HS3ST2: variants seen among roughly 807,000 people sequenced by gnomAD.
HS3ST2 encodes the protein heparan sulfate-glucosamine 3-sulfotransferase 2, also known as heparan sulfate glucosamine 3-O-sulfotransferase 2.
In HS3ST2, 17 loss-of-function variants were observed where a neutral mutation model predicts 26.3. The observed-to-expected ratio is 0.65, with a 90% CI of 0.44 to 0.97. HS3ST2 has a LOEUF of 0.97. HS3ST2 is among the 50% of genes least tolerant of loss of function. HS3ST2 has a pLI of 0.00. For synonymous variants in HS3ST2, 237 were observed against 219.2 expected (o/e 1.08, Z -0.72); for missense variants, 402 against 501.2 (o/e 0.80, Z 1.89).
At chr16:22,884,676 ATT>A (rs1491286532) in intron 1 of HS3ST2, among the ~76,000 whole-genome samples, 1 of 137,416 alleles carries the variant, frequency 7.3e-6, no homozygotes, top group Non-Finnish European at 1.6e-5. Flanking sequence ...ATATATATAT[ATT>A]ATATATATAT....
Position 22,915,323 on chromosome 16 carries a change from C to A in HS3ST2, c.865C>A (p.Gln289Lys). The A allele has an allele frequency of 1.2e-6, 2 of 1,613,988 alleles. No individual in the cohort carries two copies. The highest frequency in any genetic ancestry group is 1.7e-6 in the Non-Finnish European group (2 of 1,180,008). ...CCCGGCCGGCGAGATGGGGCGAGTC[C>A]AGGACTTCCTGGGCATTAAGAGATT... ...TDPAGEMGRVQDFLGIKRFIT... is the reference protein window; with the variant it reads ...TDPAGEMGRVKDFLGIKRFIT... Residue 289 changes from glutamine (Q) to lysine (K), a missense_variant, in exon 2 of 2, where the codon CAG becomes AAG. By Grantham distance (53) the Gln-to-Lys change is moderately conservative. Transcript: ENST00000261374.
chr16:22,822,163 G>T (rs1307793701), intron 1 of HS3ST2, among the ~76,000 whole-genome samples: 1 of 152,052 alleles, frequency 6.6e-6, no homozygotes, highest in African/African-American at 2.4e-5. Flanking sequence ...CATGACATTT[G>T]CCAAAGCCCA....
chr16:22,891,744 C>T (rs1902132301), intron 1 of HS3ST2, among the ~76,000 whole-genome samples: 1 of 152,130 alleles, frequency 6.6e-6, no homozygotes, highest in Admixed American at 6.6e-5. Flanking sequence ...CTTCAGTTCC[C>T]TCCTCAGAGA....
In HS3ST2 at chr16:22,820,130, G is replaced by A. The variant is rs186873698; in HGVS notation, c.485+5035G>A. Among the ~76,000 whole-genome samples, 6 of 152,218 alleles carry A rather than the reference G, an allele frequency of 3.9e-5. No homozygotes were observed. The East Asian group carries it at 5.8e-4, about 15-fold the overall frequency. ...ATTCCCTGTCTTGGTCCAGGCGAAC[G>A]TCACACAGTATGATTAAATGAAACC... On this transcript the variant is annotated intron_variant, in intron 1 of 1. Coordinates refer to ENST00000261374, the MANE Select transcript of HS3ST2 (RefSeq NM_006043.2).
In HS3ST2 at chr16:22,814,724, G is replaced by T. The variant is rs1183248314; in HGVS notation, c.114G>T (p.Leu38=). The change falls in exon 1 of 2, where the codon CTG becomes CTT. Residue 38 remains leucine (L), a synonymous_variant. Transcript: ENST00000261374. The part of the protein sequence containing the change: ...LSCTYLCYSF[L]CCCDDLGRSR... ...GCACTTACCTGTGTTACAGCTTCCT[G>T]TGCTGCTGCGACGACCTGGGTCGGA... 6.2e-7 allele frequency: 1 copy of T among 1,609,448 alleles called. No homozygotes were observed. The highest frequency in any genetic ancestry group is 1.7e-5 in the Admixed American group (1 of 59,872).
At chr16:22,828,217 C>A (rs1308798135) in intron 1 of HS3ST2, among the ~76,000 whole-genome samples, 3 of 152,208 alleles carry the variant, frequency 2.0e-5, no homozygotes, top group Non-Finnish European at 2.9e-5. Flanking sequence ...GCAGATTCCT[C>A]ATTTCTAGAG....
At chr16:22,817,799 C>T (rs920654145) in intron 1 of HS3ST2, among the ~76,000 whole-genome samples, 1 of 151,812 alleles carries the variant, frequency 6.6e-6, no homozygotes, top group African/African-American at 2.4e-5. Flanking sequence ...ATGATCTGCC[C>T]ACATCAAAGC....
intron 1 of HS3ST2, among the ~76,000 whole-genome samples, chr16:22,904,669 T>C (rs1306264383): frequency 2.0e-5 from 3 of 152,010 alleles, no homozygotes; most frequent in Non-Finnish European, 4.4e-5. Context: ...AAAAATACAG[T>C]TTTTGGAGGA....
chr16:22,903,196 C>T (rs1902303355), intron 1 of HS3ST2, among the ~76,000 whole-genome samples: 2 of 152,174 alleles, frequency 1.3e-5, no homozygotes. Flanking sequence ...CTGGATTCTG[C>T]AAACTGGCTG....
At position 22,814,782 on chromosome 16, in the gene HS3ST2, G is replaced by A. The variant is rs776465899; in HGVS notation, c.172G>A (p.Gly58Ser). 3.8e-6 allele frequency: 6 copies of A among 1,599,986 alleles called. No homozygotes were observed. Among genetic ancestry groups the A allele is most frequent in the African/African-American group, 2.7e-5 (2 of 74,696 alleles). The part of the protein sequence containing the change: ...RLLGAPRCLR[G>S]PSAGGQKLLQ... ...CCTCGGCGCGCCTCGCTGCCTCCGC[G>A]GCCCCAGCGCGGGCGGCCAGAAACT... The change falls in exon 1 of 2, where the codon GGC becomes AGC. Residue 58 changes from glycine to serine, a missense_variant. Gly to Ser is a moderately conservative substitution (Grantham distance 56). Around this residue, in one of 2 missense-constraint regions of HS3ST2, gnomAD observed 165 missense variants for 154.6 expected, o/e 1.07. Transcript: ENST00000261374.
At chr16:22,881,427 C>G (rs557352567) in intron 1 of HS3ST2, among the ~76,000 whole-genome samples, 1 of 152,178 alleles carries the variant, frequency 6.6e-6, no homozygotes, top group Non-Finnish European at 1.5e-5. Flanking sequence ...GCTTCTTGCT[C>G]GGTCTCTACC....
At position 22,904,941 on chromosome 16, in the gene HS3ST2, A is replaced by G. The variant is rs184879314; in HGVS notation, c.486-10003A>G. Among the ~76,000 whole-genome samples, 38 of 152,340 alleles carry G rather than the reference A, an allele frequency of 2.5e-4. No homozygotes were observed. The East Asian group carries it at 7.3e-3, about 29-fold the overall frequency. The stretch of plus-strand genomic sequence containing the variant: ...CTCAACTAGGCGAGGATAAACGGCC[A>G]CAGGTGCTGTGCCTGCCACATGGCT... On this transcript the variant is annotated intron_variant, in intron 1 of 1. Coordinates refer to ENST00000261374, the MANE Select transcript of HS3ST2 (RefSeq NM_006043.2).
At chr16:22,829,411 G>A (rs1901137211) in intron 1 of HS3ST2, among the ~76,000 whole-genome samples, 1 of 152,146 alleles carries the variant, frequency 6.6e-6, no homozygotes, top group Non-Finnish European at 1.5e-5. Flanking sequence ...CATTTAGAGA[G>A]GACAATCAGT....
intron 1 of HS3ST2, among the ~76,000 whole-genome samples, chr16:22,888,373 C>CTTTTTTTTTTTTTTTTTTTTTTTTTTTTT (rs1165585404): frequency 1.6e-5 from 1 of 61,306 alleles, no homozygotes; most frequent in African/African-American, 6.4e-5. Context: ...TCTGGCTTTT[C>CTTTTTTTTTTTTTTTTTTTTTTTTTTTTT]TTTTTTTTTT....
chr16:22,905,587 T>C (rs1224256020), intron 1 of HS3ST2, among the ~76,000 whole-genome samples: 2 of 152,208 alleles, frequency 1.3e-5, no homozygotes, highest in African/African-American at 4.8e-5. Context: ...AAGCCTTGTC[T>C]TTATTATTTT....
chr16:22,869,694 C>T (rs1011684017), intron 1 of HS3ST2, among the ~76,000 whole-genome samples: 8 of 152,154 alleles, frequency 5.3e-5, no homozygotes, highest in African/African-American at 1.7e-4. Context: ...AAAGACCCGC[C>T]GCCATAATTC....
chr16:22,902,714 TA>T lies in HS3ST2; in HGVS notation c.486-12223del, dbSNP rs199715516. ...TTCTTGCCATCATAATTGTTACAAT[TA>T]AAAAAATTTTTTTTCCAGCCTTACA... On this transcript the variant is annotated intron_variant, in intron 1 of 1. Coordinates refer to ENST00000261374, the MANE Select transcript of HS3ST2 (RefSeq NM_006043.2). 2.0e-3 allele frequency among the ~76,000 whole-genome samples: 304 copies of T among 152,158 alleles called. 1 individual carries two copies. Among genetic ancestry groups the T allele is most frequent in the Non-Finnish European group, 2.9e-3 (199 of 68,018 alleles).
intron 1 of HS3ST2, among the ~76,000 whole-genome samples, chr16:22,816,573 C>G (rs1292199305): frequency 6.6e-6 from 1 of 152,136 alleles, no homozygotes; most frequent in East Asian, 1.9e-4. Flanking sequence ...TGTGGGTGGC[C>G]CCAGCACCAT....
intron 1 of HS3ST2, among the ~76,000 whole-genome samples, chr16:22,856,133 T>C (rs1052269653): frequency 6.6e-6 from 1 of 152,174 alleles, no homozygotes; most frequent in Non-Finnish European, 1.5e-5. Context: ...GCTTCCTAAG[T>C]ATGGTAGATT....
Sources: gnomAD v4.1 joint callset for allele counts (sites outside exome capture counted in the v4.1 genomes callset) on GRCh38, gnomAD v4.1.1 for gene constraint, gnomAD v4.1.1 regional missense constraint, MANE v1.5 for transcripts, NCBI Gene and HGNC (gene_info 2026-07-23, HGNC 2026-07-21) for gene names.